Variants in TRPC4AP observed in about 807,000 individuals in gnomAD.
TRPC4AP encodes the protein transient receptor potential cation channel subfamily C member 4 associated protein, also known as short transient receptor potential channel 4-associated protein.
TRPC4AP carries 45 observed loss-of-function variants against 99.0 expected under a neutral mutation model. That is an observed-to-expected ratio of 0.45 (90% CI 0.36 to 0.58). The LOEUF (loss-of-function observed/expected upper bound fraction) is 0.58. TRPC4AP is among the 20% of genes least tolerant of loss of function. TRPC4AP has a pLI of 0.00. For synonymous variants in TRPC4AP, 408 were observed against 385.8 expected (o/e 1.06, Z -0.67); for missense variants, 879 against 985.3 (o/e 0.89, Z 1.44).
intron 5 of TRPC4AP, 21 bp downstream of exon 5, chr20:35,054,955 C>A (rs774793062): frequency 6.2e-7 from 1 of 1,607,338 alleles, no homozygotes; most frequent in Non-Finnish European, 8.5e-7. Context: ...TAAACAGAGC[C>A]CCAGTGGCAG....
At chr20:35,078,902 C>A (rs2084553214) in intron 1 of TRPC4AP, among the ~76,000 whole-genome samples, 1 of 152,094 alleles carries the variant, frequency 6.6e-6, no homozygotes. Context: ...CCCATCTCTA[C>A]TAAAAATACA....
chr20:35,086,507 ATGTGTGTGTGTGTATATATGTGTG>A (rs1282633951), intron 1 of TRPC4AP, among the ~76,000 whole-genome samples: 2 of 62,972 alleles, frequency 3.2e-5, no homozygotes, highest in Non-Finnish European at 6.9e-5. Context: ...GTGTATATAT[ATGTGTGTGTGTGTATATATGTGTG>A]TGTGTGTGTG....
At position 35,069,346 on chromosome 20, in the gene TRPC4AP, C is replaced by T; in HGVS notation, c.364G>A (p.Glu122Lys). 1 of 1,612,730 alleles carries T rather than the reference C, an allele frequency of 6.2e-7. No homozygotes were observed. Among genetic ancestry groups the T allele is most frequent in the Non-Finnish European group, 8.5e-7 (1 of 1,178,864 alleles). ...ATGTAAGTATTTGGATAAGTGGTTTCTTGGGTAAGTTTCCTCTCTTCAGTA... is the reference window on the plus strand; with the variant it reads ...ATGTAAGTATTTGGATAAGTGGTTTTTTGGGTAAGTTTCCTCTCTTCAGTA... ...FVTEERKLTQ[E>K]TTYPNTYIFD... The change falls in exon 3 of 19, where the codon GAA becomes AAA. Residue 122 changes from glutamate to lysine, a missense_variant. Glu to Lys is a moderately conservative substitution (Grantham distance 56). This residue lies in a region of TRPC4AP where 603 missense variants were observed against 631.8 expected (regional missense o/e 0.95). Transcript: ENST00000252015.
intron 8 of TRPC4AP, among the ~76,000 whole-genome samples, chr20:35,033,259 T>C (rs769920323): frequency 6.6e-5 from 10 of 152,250 alleles, no homozygotes; most frequent in Non-Finnish European, 8.8e-5. Context: ...TCAGGGTTTG[T>C]TGTTGTTATT....
At chr20:35,016,234 A>C (rs2082751478) in intron 9 of TRPC4AP, 95 bp from the exon 10 acceptor site, 3 of 1,474,518 alleles carry the variant, frequency 2.0e-6, no homozygotes, top group Non-Finnish European at 1.9e-6. Context: ...GATATTCAGG[A>C]CAAGTATCAG....
intron 5 of TRPC4AP, among the ~76,000 whole-genome samples, chr20:35,050,293 G>C (rs543947955): frequency 4.6e-5 from 7 of 152,190 alleles, no homozygotes; most frequent in Non-Finnish European, 1.0e-4. Context: ...TCTTAAATCT[G>C]AAATCAAACA....
At chr20:35,069,488 C>T in intron 2 of TRPC4AP, 76 bp from the exon 3 acceptor site, 1 of 930,866 alleles carries the variant, frequency 1.1e-6, no homozygotes, top group Non-Finnish European at 1.7e-6. Flanking sequence ...TCAGTTTGAG[C>T]TTTAGTCCCA....
chr20:35,065,047 CAA>C (rs1313612641), intron 3 of TRPC4AP, among the ~76,000 whole-genome samples: 1 of 152,142 alleles, frequency 6.6e-6, no homozygotes, highest in African/African-American at 2.4e-5. Context: ...CAATTCTTCT[CAA>C]AAGAGATCAC....
At chr20:35,050,150 C>T (rs1354430259) in intron 5 of TRPC4AP, among the ~76,000 whole-genome samples, 156 bp from the exon 6 acceptor site, 7 of 152,152 alleles carry the variant, frequency 4.6e-5, no homozygotes, top group African/African-American at 1.2e-4. Context: ...GGGAAACGCT[C>T]GTTAACTCCC....
In TRPC4AP at chr20:35,057,397, G is replaced by T. The variant is rs567748146; in HGVS notation, c.472+117C>A. The T allele has an allele frequency of 2.3e-5, 18 of 796,920 alleles. 1 individual carries two copies. The South Asian group carries it at 2.6e-4, about 11-fold the overall frequency. 49.4% of individuals were successfully genotyped at this position (796,920 alleles called of 1,614,324 possible). On this transcript the variant is annotated intron_variant, in intron 4 of 18. Coordinates refer to ENST00000252015, the MANE Select transcript of TRPC4AP (RefSeq NM_015638.3). ...AGGAGAGAGCAACCTGTAGCTAAAT[G>T]TAAGACATGTCCTTACTATTAAGAG...
chr20:35,002,945 G>T lies in TRPC4AP; in HGVS notation c.*201C>A. The T allele has an allele frequency of 1.6e-6, 1 of 644,856 alleles. No homozygotes were observed. Among genetic ancestry groups the T allele is most frequent in the Non-Finnish European group, 2.6e-6 (1 of 385,426 alleles). The allele number at this position is 644,856 out of a possible 1,614,324, so 39.9% of individuals were successfully genotyped here. A position where few individuals can be genotyped will look rare whatever the true frequency, so the allele number is the denominator to read the frequency against. On this transcript the variant is annotated 3_prime_UTR_variant, in exon 19 of 19. Transcript: ENST00000252015. ...GCATGGTACCCTGTCCTCATTATGG[G>T]GACTGAGGCTCTCCATGACCTAGGG...
intron 10 of TRPC4AP, 64 bp from the exon 11 acceptor site, chr20:35,013,130 A>C: frequency 6.6e-7 from 1 of 1,520,360 alleles, no homozygotes; most frequent in Non-Finnish European, 9.1e-7. Flanking sequence ...TAACACAAGC[A>C]GACACTCTGG....
Position 35,092,681 on chromosome 20 carries a change from G to A in TRPC4AP, c.101C>T (p.Pro34Leu), listed in dbSNP as rs963282789. The change falls in exon 1 of 19, where the codon CCT (proline) becomes CTT (leucine). Residue 34 changes from proline (P) to leucine (L), a missense_variant. By Grantham distance (98) the Pro-to-Leu change is moderately conservative (BLOSUM62 -3). Around this residue, in one of 3 missense-constraint regions of TRPC4AP, gnomAD observed 603 missense variants for 631.8 expected, o/e 0.95. Transcript: ENST00000252015. ...CCGCAGCTGCAGCAGAATGTTACCA[G>A]GCCGCGGCCGGCCGCCCCATCCGCC... ...AWGGWGGRPR[P>L]GNILLQLRQG... 7.8e-6 allele frequency: 12 copies of A among 1,529,330 alleles called. No individual in the cohort carries two copies. The African/African-American group carries it at 9.9e-5, about 13-fold the overall frequency. 94.7% of individuals were successfully genotyped at this position (1,529,330 alleles called of 1,614,324 possible).
At chr20:35,089,233 T>C (rs1389320826) in intron 1 of TRPC4AP, among the ~76,000 whole-genome samples, 6 of 151,926 alleles carry the variant, frequency 3.9e-5, no homozygotes, top group Non-Finnish European at 5.9e-5. Context: ...TATTTATATA[T>C]GTATATAGTT....
At chr20:35,038,758 G>A (rs1286802141) in intron 7 of TRPC4AP, among the ~76,000 whole-genome samples, 1 of 136,502 alleles carries the variant, frequency 7.3e-6, no homozygotes, top group Non-Finnish European at 1.6e-5. Context: ...AAAATTTTAG[G>A]TGTGTATTAT....
At chr20:35,066,237 T>C (rs916847606) in intron 3 of TRPC4AP, among the ~76,000 whole-genome samples, 4 of 151,996 alleles carry the variant, frequency 2.6e-5, no homozygotes, top group Non-Finnish European at 5.9e-5. Flanking sequence ...ATCAAGCAAC[T>C]GGGACTGCAG....
At chr20:35,077,951 T>C in intron 2 of TRPC4AP, 95 bp downstream of exon 2, 2 of 1,423,224 alleles carry the variant, frequency 1.4e-6, no homozygotes, top group Non-Finnish European at 1.9e-6. Flanking sequence ...AAACAGGCTA[T>C]TTTTAAAAGC....
intron 8 of TRPC4AP, among the ~76,000 whole-genome samples, chr20:35,024,767 G>A (rs926636735): frequency 7.3e-6 from 1 of 137,536 alleles, no homozygotes; most frequent in Non-Finnish European, 1.5e-5. Context: ...GGTCAGGGCT[G>A]CAATGAGCTG....
At chr20:35,087,460 C>T (rs890697048) in intron 1 of TRPC4AP, among the ~76,000 whole-genome samples, 4 of 152,074 alleles carry the variant, frequency 2.6e-5, no homozygotes, top group African/African-American at 7.2e-5. Flanking sequence ...AATATAACAG[C>T]ATCCCACAAC....
Sources: gnomAD v4.1 joint callset for allele counts (sites outside exome capture counted in the v4.1 genomes callset) on GRCh38, gnomAD v4.1.1 for gene constraint, gnomAD v4.1.1 regional missense constraint, MANE v1.5 for transcripts, NCBI Gene and HGNC (gene_info 2026-07-23, HGNC 2026-07-21) for gene names.